FUBP3: variants seen among roughly 807,000 people sequenced by gnomAD.
The protein encoded by FUBP3 is far upstream element-binding protein 3.
Under a neutral mutation model 85.6 loss-of-function variants are expected in FUBP3, and 28 were observed. The observed-to-expected ratio is 0.33, with a 90% CI of 0.24 to 0.45. FUBP3 has a LOEUF of 0.45. Among genes scored for constraint, FUBP3 ranks in the 20% least tolerant of loss-of-function variants. The pLI, the probability that FUBP3 is intolerant of heterozygous loss-of-function variation, is 1.00. For synonymous variants in FUBP3, 271 were observed against 271.4 expected, an observed-to-expected ratio of 1.00 and a Z score of 0.01; for missense variants, 583 against 755.1, an observed-to-expected ratio of 0.77 and a Z score of 2.67.
chr9:130,636,280 C>G (rs1427956519), intron 18 of FUBP3, 154 bp downstream of exon 18: 1 of 773,426 alleles, frequency 1.3e-6, no homozygotes, highest in African/African-American at 1.7e-5. Context: ...TGCTGAGAGC[C>G]CGGCTCCAGC....
chr9:130,629,155 G>A (rs775188969), intron 12 of FUBP3, among the ~76,000 whole-genome samples: 44 of 152,134 alleles, frequency 2.9e-4, no homozygotes, highest in Non-Finnish European at 5.0e-4. Context: ...CATGGCCTCC[G>A]AGTAAAGGGC....
intron 2 of FUBP3, among the ~76,000 whole-genome samples, chr9:130,604,132 C>A (rs182221623): frequency 1.1e-4 from 16 of 152,256 alleles, no homozygotes; most frequent in African/African-American, 3.9e-4. Context: ...AGAAACCAAT[C>A]CCAAAAAACT....
At chr9:130,625,610 G>C (rs1030116124) in intron 11 of FUBP3, among the ~76,000 whole-genome samples, 14 of 152,324 alleles carry the variant, frequency 9.2e-5, no homozygotes, top group African/African-American at 3.4e-4. Flanking sequence ...CGCGGACAGC[G>C]GCTGGAATGA....
chr9:130,616,536 C>T lies in FUBP3; in HGVS notation c.567+19C>T, dbSNP rs578090013. On this transcript the variant is annotated intron_variant, in intron 7 of 18. Coordinates refer to ENST00000319725, the MANE Select transcript of FUBP3 (RefSeq NM_003934.2). This position sits in a 1 kb window ranked among gnomAD's most constrained non-coding sequence, Gnocchi z 4.7. Reference sequence around the variant, plus strand: ...GTTGCAGGTGTGTGAGCCCGGAGCACGGAGCACAGCGGCCGCTCGCAGCAG... The same window carrying T: ...GTTGCAGGTGTGTGAGCCCGGAGCATGGAGCACAGCGGCCGCTCGCAGCAG... The T allele has an allele frequency of 2.9e-5, 47 of 1,611,590 alleles. 1 individual carries two copies. Among genetic ancestry groups the T allele is most frequent in the Middle Eastern group, 1.7e-4 (1 of 6,036 alleles).
At chr9:130,634,361 T>C (rs1016153382) in intron 16 of FUBP3, among the ~76,000 whole-genome samples, 1 of 152,220 alleles carries the variant, frequency 6.6e-6, no homozygotes, top group African/African-American at 2.4e-5. Flanking sequence ...CTTTGTCCTT[T>C]GGAAGGCTGA....
At chr9:130,623,374 T>G (rs2119100631) in intron 10 of FUBP3, among the ~76,000 whole-genome samples, 1 of 152,330 alleles carries the variant, frequency 6.6e-6, no homozygotes, top group South Asian at 2.1e-4. Flanking sequence ...AATGATACAT[T>G]TTTTAAATGG....
chr9:130,628,057 A>G (rs574062458), intron 12 of FUBP3, among the ~76,000 whole-genome samples: 66 of 151,772 alleles, frequency 4.3e-4, no homozygotes, highest in African/African-American at 1.2e-3. Flanking sequence ...GGGTCTTTCT[A>G]TGTCACACAC....
At chr9:130,585,729 T>A (rs772526486) in intron 1 of FUBP3, among the ~76,000 whole-genome samples, 1 of 152,232 alleles carries the variant, frequency 6.6e-6, no homozygotes, top group Non-Finnish European at 1.5e-5. Context: ...CCAAATCACA[T>A]TCTGTGCATC....
At chr9:130,624,457 A>T (rs933472757) in intron 11 of FUBP3, among the ~76,000 whole-genome samples, 2 of 152,210 alleles carry the variant, frequency 1.3e-5, no homozygotes, top group Non-Finnish European at 2.9e-5. Flanking sequence ...TTGGGTCTTC[A>T]CTAGAGACCC....
chr9:130,600,326 A>G (rs1433837173), intron 2 of FUBP3, among the ~76,000 whole-genome samples: 1 of 151,216 alleles, frequency 6.6e-6, no homozygotes, highest in Non-Finnish European at 1.5e-5. Context: ...TTTCCCATGG[A>G]CTCTTCATGC....
At chr9:130,615,520 G>A (rs1478926750) in intron 6 of FUBP3, among the ~76,000 whole-genome samples, 2 of 152,320 alleles carry the variant, frequency 1.3e-5, no homozygotes, top group East Asian at 1.9e-4. Flanking sequence ...CAGATTGTGT[G>A]TGGCAATTTA....
chr9:130,637,105 A>G lies in FUBP3; in HGVS notation c.*83A>G, dbSNP rs1830448081. On this transcript the variant is annotated 3_prime_UTR_variant, in exon 19 of 19. Coordinates refer to ENST00000319725, the MANE Select transcript of FUBP3 (RefSeq NM_003934.2). ...GTAACAGAGGTTTTTACATTTGCAA[A>G]CCTTTTGATGAAGAACTGTTGTTTT... The G allele has an allele frequency of 9.2e-7, 1 of 1,092,466 alleles. No individual in the cohort carries two copies. Among genetic ancestry groups the G allele is most frequent in the Admixed American group, 1.7e-5 (1 of 59,236 alleles). 67.7% of individuals were successfully genotyped at this position (1,092,466 alleles called of 1,614,324 possible).
intron 7 of FUBP3, 82 bp from the exon 8 acceptor site, chr9:130,617,715 G>A (rs1049074032): frequency 6.8e-6 from 6 of 886,376 alleles, no homozygotes; most frequent in African/African-American, 6.5e-5. Context: ...TATTGTGGGT[G>A]TGACTGGGTC....
chr9:130,580,294 T>C (rs946488012), intron 1 of FUBP3, among the ~76,000 whole-genome samples: 1 of 152,230 alleles, frequency 6.6e-6, no homozygotes, highest in African/African-American at 2.4e-5. Flanking sequence ...CCCCAAGATG[T>C]AGAAATTTCT....
rs191129885 is a variant in FUBP3 at position 130,612,904 on chromosome 9, G to T, written c.275-52G>T. 7.0e-5 allele frequency: 82 copies of T among 1,164,052 alleles called. 1 individual carries two copies. In the East Asian group the frequency reaches 1.8e-3, roughly 26 times the overall value. The allele number at this position is 1,164,052 out of a possible 1,614,324, so 72.1% of individuals were successfully genotyped here. ...GGAATTAATTCAGTCATTCCTGCGTGGTGAAATATGGAATAGGGGCGTGTA... is the reference window on the plus strand; with the variant it reads ...GGAATTAATTCAGTCATTCCTGCGTTGTGAAATATGGAATAGGGGCGTGTA... On this transcript the variant is annotated intron_variant, in intron 4 of 18. Transcript: ENST00000319725. The surrounding 1 kb of genome is among the most constrained non-coding windows in gnomAD (Gnocchi z 4.1).
In FUBP3 at chr9:130,604,827, G is replaced by A. The variant is rs926187733; in HGVS notation, c.191-5127G>A. Among the ~76,000 whole-genome samples the A allele has an allele frequency of 3.3e-5, 5 of 152,100 alleles. No individual in the cohort carries two copies. The East Asian group carries it at 9.7e-4, about 29-fold the overall frequency. On this transcript the variant is annotated intron_variant, in intron 2 of 18. Coordinates refer to ENST00000319725, the MANE Select transcript of FUBP3 (RefSeq NM_003934.2). The stretch of plus-strand genomic sequence containing the variant: ...GCAGGGGAATCACTTGAACCCAGGA[G>A]GTGGAGATTGCAGTGAGCCGAGATC...
At chr9:130,586,084 G>T (rs1431029461) in intron 1 of FUBP3, among the ~76,000 whole-genome samples, 1 of 152,088 alleles carries the variant, frequency 6.6e-6, no homozygotes, top group African/African-American at 2.4e-5. Context: ...GTGCAGCCTG[G>T]ATCTCCTGGG....
At position 130,589,705 on chromosome 9, in the gene FUBP3, A is replaced by ATATATT. The variant is rs1414691549; in HGVS notation, c.85-5777_85-5776insATATTT. Among the ~76,000 whole-genome samples the ATATATT allele has an allele frequency of 1.2e-3, 91 of 73,794 alleles. 1 individual carries two copies. Among genetic ancestry groups the ATATATT allele is most frequent in the Non-Finnish European group, 1.7e-3 (76 of 43,622 alleles). 48.4% of individuals were successfully genotyped at this position (73,794 alleles called of 152,430 possible). A position where few individuals can be genotyped will look rare whatever the true frequency, so the allele number is the denominator to read the frequency against. ...TATATATATATATATATATATATAT[A>ATATATT]TTTTTTTTTTTTTTTTTTTTTTTAA... On this transcript the variant is annotated intron_variant, in intron 1 of 18. Transcript: ENST00000319725.
At chr9:130,617,669 G>A (rs1832077153) in intron 7 of FUBP3, 128 bp from the exon 8 acceptor site, 1 of 731,422 alleles carries the variant, frequency 1.4e-6, no homozygotes, top group African/African-American at 1.7e-5. Flanking sequence ...GGCCCAGGTT[G>A]GAAGGCAGTC....
Sources: allele counts gnomAD v4.1 joint callset (sites outside exome capture counted in the v4.1 genomes callset), GRCh38; gene constraint gnomAD v4.1.1; non-coding constraint Gnocchi (gnomAD v3.1); transcripts MANE v1.5; gene names NCBI Gene and HGNC (gene_info 2026-07-23, HGNC 2026-07-21).